The following CDH23 variants were observed in gnomAD, a reference collection of about 807,000 sequenced individuals.
CDH23 encodes cadherin related 23.
CDH23 carries 189 observed loss-of-function variants against 317.1 expected under a neutral mutation model. The ratio of observed to expected loss-of-function variants is 0.60; its 90% CI spans 0.53 to 0.67. The LOEUF is 0.67. CDH23 is among the 30% of genes least tolerant of loss of function. The pLI is 0.00. For missense variants in CDH23, 4,401 were observed against 4,592.4 expected (o/e 0.96, Z 1.20); for synonymous variants, 1,839 against 1,876.8 (o/e 0.98, Z 0.52).
intron 62 of CDH23, 120 bp downstream of exon 62, chr10:71,810,689 G>A (rs1841888930): frequency 1.1e-6 from 1 of 887,894 alleles, no homozygotes; most frequent in Non-Finnish European, 1.8e-6. Context: ...CACTGTGTGG[G>A]GCCATCTCCC....
rs374171450 is a variant in CDH23, at chr10:71,809,826, T to C, written c.8729T>C (p.Met2910Thr). ...DVGQVFTMGS[M>T]DGILRTFDLF... is the part of the protein sequence containing the mutation. ...GCCTTTGGGCTTCCTGCAGGGAGCA[T>C]GGACGGCATTCTGCGCACCTTCGAC... Residue 2910 changes from methionine (M) to threonine (T), a missense_variant, in exon 61 of 70, where the codon ATG becomes ACG. Coordinates refer to ENST00000224721, the MANE Select transcript of CDH23 (RefSeq NM_022124.6). 195 of 1,611,880 alleles carry C rather than the reference T, an allele frequency of 1.2e-4. No individual in the cohort carries two copies. Among genetic ancestry groups the C allele is most frequent in the Admixed American group, 2.2e-4 (13 of 59,988 alleles).
At chr10:71,791,530 G>T (rs1841251557) in intron 47 of CDH23, among the ~76,000 whole-genome samples, 195 bp downstream of exon 47, 1 of 151,912 alleles carries the variant, frequency 6.6e-6, no homozygotes, top group Non-Finnish European at 1.5e-5. Context: ...TCTGTATCTT[G>T]CCTGCAAAAC....
Position 71,793,356 on chromosome 10 carries a change from CGGT to C in CDH23, c.6434_6436del (p.Val2145del), listed in dbSNP as rs1564796641. The C allele has an allele frequency of 6.2e-7, 1 of 1,613,988 alleles. No individual in the cohort carries two copies. Among genetic ancestry groups the C allele is most frequent in the South Asian group, 1.1e-5 (1 of 91,076 alleles). On this transcript the variant is annotated inframe_deletion, in exon 48 of 70. Coordinates refer to ENST00000224721, the MANE Select transcript of CDH23 (RefSeq NM_022124.6). ...GAGGAGCAGGAGTCCTACAGGCTAA[CGGT>C]GGTGGCCACCGACCGGGGCACCGTT...
chr10:71,748,551 G>C (rs762380043), intron 38 of CDH23: 1 of 152,272 alleles, frequency 6.6e-6, no homozygotes, highest in Non-Finnish European at 1.5e-5. Context: ...TGAATGTCAG[G>C]AGATAGGTAA....
chr10:71,469,898 C>G (rs992437816), intron 3 of CDH23, among the ~76,000 whole-genome samples: 1 of 152,178 alleles, frequency 6.6e-6, no homozygotes, highest in African/African-American at 2.4e-5. Context: ...AGCCACCATG[C>G]CTGGCCCATT....
Position 71,811,597 on chromosome 10 carries a change from G to GT in CDH23, c.9278+8dup. ...ACTGGTACTACAGGACTGTGTGAGT[G>GT]TCCCCCACCCCTGCCATCAGGGGGC... On this transcript the variant is annotated splice_region_variant and intron_variant, in intron 64 of 69. Transcript: ENST00000224721. 6.2e-7 allele frequency: 1 copy of GT among 1,613,870 alleles called. No homozygotes were observed. Among genetic ancestry groups the GT allele is most frequent in the Non-Finnish European group, 8.5e-7 (1 of 1,179,868 alleles).
At chr10:71,534,862 G>C (rs1458396960) in intron 6 of CDH23, among the ~76,000 whole-genome samples, 1 of 152,226 alleles carries the variant, frequency 6.6e-6, no homozygotes, top group Non-Finnish European at 1.5e-5. Flanking sequence ...ATTCATTCTT[G>C]CTCTAAACTC....
intron 9 of CDH23, among the ~76,000 whole-genome samples, chr10:71,603,196 G>A (rs1210419497): frequency 6.6e-6 from 1 of 152,092 alleles, no homozygotes; most frequent in African/African-American, 2.4e-5. Flanking sequence ...CAGACAGCGC[G>A]TGCCCCCTCC....
At chr10:71,762,707 T>C (rs970342529) in intron 38 of CDH23, among the ~76,000 whole-genome samples, 5 of 152,168 alleles carry the variant, frequency 3.3e-5, no homozygotes, top group African/African-American at 1.2e-4. Flanking sequence ...ACTTGGTGCA[T>C]AGATAGGATT....
intron 50 of CDH23, 37 bp downstream of exon 50, chr10:71,798,615 A>G (rs764173816): frequency 6.7e-7 from 1 of 1,498,412 alleles, no homozygotes; most frequent in Non-Finnish European, 9.1e-7. Flanking sequence ...GCTGGGGGAC[A>G]TATATCTCTG....
intron 9 of CDH23, among the ~76,000 whole-genome samples, chr10:71,586,099 T>C (rs1393605574): frequency 1.3e-5 from 2 of 152,180 alleles, no homozygotes; most frequent in East Asian, 1.9e-4. Context: ...GGGCAAAGCA[T>C]GGACTGCACG....
chr10:71,783,581 G>C (rs555203042), intron 41 of CDH23, among the ~76,000 whole-genome samples: 1 of 152,236 alleles, frequency 6.6e-6, no homozygotes, highest in African/African-American at 2.4e-5. Context: ...GCTCTGGACT[G>C]TCAGACATCG....
At chr10:71,636,223 T>C (rs1379092723) in intron 11 of CDH23, among the ~76,000 whole-genome samples, 2 of 151,814 alleles carry the variant, frequency 1.3e-5, no homozygotes, top group Non-Finnish European at 2.9e-5. Context: ...GGAAAGCAGT[T>C]GGAAGAGCAC....
chr10:71,687,828 T>C (rs1444306557), intron 19 of CDH23, 109 bp downstream of exon 19: 58 of 1,008,148 alleles, frequency 5.8e-5, no homozygotes, highest in Non-Finnish European at 8.1e-5. Context: ...GGGAGGTCCA[T>C]GGCCTTCTCT....
At chr10:71,617,680 AG>A (rs1267796429) in intron 11 of CDH23, 23 of 408,830 alleles carry the variant, frequency 5.6e-5, no homozygotes, top group Non-Finnish European at 7.6e-5. Context: ...GATATTGTAA[AG>A]CATGTACAAA....
At chr10:71,515,384 T>TCA (rs1854240719) in intron 6 of CDH23, among the ~76,000 whole-genome samples, 1 of 126,942 alleles carries the variant, frequency 7.9e-6, no homozygotes, top group African/African-American at 3.5e-5. Flanking sequence ...TCTCTCTCTC[T>TCA]CTCTCTCTCT....
chr10:71,746,121 G>A (rs1189741271), intron 38 of CDH23, among the ~76,000 whole-genome samples: 2 of 152,212 alleles, frequency 1.3e-5, no homozygotes, highest in Non-Finnish European at 2.9e-5. Context: ...AGGAGCCTAC[G>A]GTCTGGCAGG....
chr10:71,705,187 CA>C (rs1342285817), intron 25 of CDH23, 57 bp downstream of exon 25: 6 of 1,494,472 alleles, frequency 4.0e-6, no homozygotes, highest in African/African-American at 1.4e-5. Context: ...AGGCCTGGGT[CA>C]GGGGCAGGGG....
chr10:71,773,534 T>C (rs1198647781), intron 38 of CDH23: 4 of 1,257,796 alleles, frequency 3.2e-6, no homozygotes, highest in African/African-American at 1.6e-5. Flanking sequence ...TGCGAGCGAG[T>C]GAGCGCTGCG....
Sources: gnomAD v4.1 joint callset for allele counts (sites outside exome capture counted in the v4.1 genomes callset) on GRCh38, gnomAD v4.1.1 for gene constraint, MANE v1.5 for transcripts, NCBI Gene and HGNC (gene_info 2026-07-23, HGNC 2026-07-21) for gene names.